Variants in CUL5 observed in about 807,000 individuals in gnomAD.
CUL5 encodes the protein cullin 5.
In CUL5, 26 loss-of-function variants were observed where a neutral mutation model predicts 108.8. The ratio of observed to expected loss-of-function variants is 0.24; its 90% CI spans 0.18 to 0.33. CUL5 has a LOEUF of 0.33. Among genes scored for constraint, CUL5 ranks in the 10% least tolerant of loss-of-function variants. The pLI, the probability that CUL5 is intolerant of heterozygous loss-of-function variation, is 1.00. For synonymous variants in CUL5, 334 were observed against 298.0 expected (o/e 1.12, Z -1.25); for missense variants, 524 against 909.2 (o/e 0.58, Z 5.45).
intron 18 of CUL5, among the ~76,000 whole-genome samples, chr11:108,102,810 T>C (rs1050803807): frequency 6.6e-6 from 1 of 152,226 alleles, no homozygotes; most frequent in Non-Finnish European, 1.5e-5. Context: ...AAGATAGATA[T>C]ATGCCTTTTG....
intron 11 of CUL5, chr11:108,084,812 T>A (rs182404994): frequency 6.6e-6 from 1 of 152,324 alleles, no homozygotes; most frequent in Non-Finnish European, 1.5e-5. Context: ...AAAGGACAGA[T>A]ATAACACGTG....
At chr11:108,088,463 T>G in intron 11 of CUL5, 64 bp from the exon 12 acceptor site, 1 of 1,499,464 alleles carries the variant, frequency 6.7e-7, no homozygotes. Flanking sequence ...ATCATTGACT[T>G]TAGAAAAAAA....
chr11:108,072,482 C>G lies in CUL5; in HGVS notation c.1005+20C>G, dbSNP rs760170220. ...ACTACTGTAAGTTTTTTTTCAATGGCAATGATAGATATATATCAAGGCTAT... is the reference window on the plus strand; with the variant it reads ...ACTACTGTAAGTTTTTTTTCAATGGGAATGATAGATATATATCAAGGCTAT... On this transcript the variant is annotated intron_variant, in intron 9 of 18. Transcript: ENST00000393094. 78 of 1,582,270 alleles carry G rather than the reference C, an allele frequency of 4.9e-5. No homozygotes were observed. Among genetic ancestry groups the G allele is most frequent in the Non-Finnish European group, 6.5e-5 (76 of 1,161,410 alleles).
intron 7 of CUL5, among the ~76,000 whole-genome samples, chr11:108,064,016 T>G (rs1863614165): frequency 6.6e-6 from 1 of 152,262 alleles, no homozygotes; most frequent in Admixed American, 6.5e-5. Flanking sequence ...TTGGATGCTC[T>G]TTCTTTCTCT....
At chr11:108,077,759 A>G (rs1238436130) in intron 10 of CUL5, among the ~76,000 whole-genome samples, 3 of 152,240 alleles carry the variant, frequency 2.0e-5, no homozygotes, top group Non-Finnish European at 4.4e-5. Flanking sequence ...AGCCTGGCCA[A>G]CATGGTGAAA....
chr11:108,087,730 C>T (rs553751953), intron 11 of CUL5, among the ~76,000 whole-genome samples: 1 of 152,148 alleles, frequency 6.6e-6, no homozygotes, highest in East Asian at 1.9e-4. Flanking sequence ...TTTGGGAGGC[C>T]GAGGCAGGTG....
chr11:108,104,454 T>C lies in CUL5; in HGVS notation c.*70T>C. 1 of 985,696 alleles carries C rather than the reference T, an allele frequency of 1.0e-6. No homozygotes were observed. 61.1% of individuals were successfully genotyped at this position (985,696 alleles called of 1,614,324 possible). A position where few individuals can be genotyped will look rare whatever the true frequency, so the allele number is the denominator to read the frequency against. On this transcript the variant is annotated 3_prime_UTR_variant, in exon 19 of 19. Transcript: ENST00000393094. The stretch of plus-strand genomic sequence containing the variant: ...CTTGGGCAGAAAGTTGTAAAGTTTG[T>C]GCTGGAGAAAGGTTTATTTGGACTT...
chr11:108,053,920 G>A (rs993933477), intron 5 of CUL5, among the ~76,000 whole-genome samples: 2 of 151,638 alleles, frequency 1.3e-5, no homozygotes, highest in African/African-American at 4.8e-5. Context: ...TGGCATGCTC[G>A]CTGCAACCTC....
At chr11:108,063,278 A>G (rs921307076) in intron 7 of CUL5, among the ~76,000 whole-genome samples, 42 of 152,310 alleles carry the variant, frequency 2.8e-4, no homozygotes, top group East Asian at 5.8e-4. Context: ...TTTAGCTTCC[A>G]CAAATGAGTG....
In CUL5 at chr11:108,089,766, G is replaced by A. The variant is rs538711009; in HGVS notation, c.1443+143G>A. On this transcript the variant is annotated intron_variant, in intron 13 of 18. Coordinates refer to ENST00000393094, the MANE Select transcript of CUL5 (RefSeq NM_003478.6). ...GAATATAGCGTCAGTTAGGCCGGGC[G>A]CACTGGCTCATACCTGTAATCCCAG... 4.1e-4 allele frequency: 199 copies of A among 487,090 alleles called. 7 individuals carry two copies. In the South Asian group the frequency reaches 4.7e-3, roughly 11 times the overall value. 30.2% of individuals were successfully genotyped at this position (487,090 alleles called of 1,614,324 possible). A position where few individuals can be genotyped will look rare whatever the true frequency, so the allele number is the denominator to read the frequency against.
At chr11:108,070,053 A>G (rs1399916878) in intron 7 of CUL5, 43 bp from the exon 8 acceptor site, 8 of 1,283,690 alleles carry the variant, frequency 6.2e-6, no homozygotes, top group South Asian at 1.2e-5. Context: ...GATTTGTGCT[A>G]TACAGCTTAT....
intron 7 of CUL5, among the ~76,000 whole-genome samples, chr11:108,062,780 T>C (rs1383335830): frequency 1.3e-5 from 2 of 152,144 alleles, no homozygotes; most frequent in African/African-American, 2.4e-5. Context: ...TAAATTATTT[T>C]TTACTGTAGT....
chr11:108,073,374 A>G lies in CUL5; in HGVS notation c.1006-16A>G. ...TTTTTCTTTTAAAAACTTAATGTAA[A>G]ACCTTTTGTTTCTAGGACTCTGAGA... On this transcript the variant is annotated splice_polypyrimidine_tract_variant and intron_variant, in intron 9 of 18. Coordinates refer to ENST00000393094, the MANE Select transcript of CUL5 (RefSeq NM_003478.6). 8.1e-7 allele frequency: 1 copy of G among 1,231,816 alleles called. No homozygotes were observed. The highest frequency in any genetic ancestry group is 1.2e-6 in the Non-Finnish European group (1 of 857,318). The allele number at this position is 1,231,816 out of a possible 1,614,324, so 76.3% of individuals were successfully genotyped here.
At chr11:108,073,573 A>G (rs775058761) in intron 10 of CUL5, 76 bp downstream of exon 10, 27 of 602,866 alleles carry the variant, frequency 4.5e-5, no homozygotes, top group Non-Finnish European at 7.0e-5. Flanking sequence ...ATCAATTTGC[A>G]TTATTTTTCT....
chr11:108,055,254 C>T (rs1240092479), intron 7 of CUL5, among the ~76,000 whole-genome samples: 1 of 151,912 alleles, frequency 6.6e-6, no homozygotes, highest in African/African-American at 2.4e-5. Flanking sequence ...CTAAAGTTAG[C>T]CATTTTGTGA....
chr11:108,072,265 C>A (rs1863844309), intron 8 of CUL5, 67 bp from the exon 9 acceptor site: 1 of 1,271,218 alleles, frequency 7.9e-7, no homozygotes, highest in Non-Finnish European at 1.1e-6. Context: ...ACAAACTTAA[C>A]TAATGTTTCT....
chr11:108,098,646 C>A, intron 18 of CUL5, 117 bp downstream of exon 18: 1 of 700,450 alleles, frequency 1.4e-6, no homozygotes, highest in Non-Finnish European at 2.1e-6. Context: ...GTGCAGTGGC[C>A]CACACATAAT....
chr11:108,031,444 T>C (rs546088682), intron 1 of CUL5, among the ~76,000 whole-genome samples: 1 of 152,328 alleles, frequency 6.6e-6, no homozygotes, highest in East Asian at 1.9e-4. Context: ...ATTTAAGTCT[T>C]TAATCCATCT....
chr11:108,104,482 A>G lies in CUL5; in HGVS notation c.*98A>G, dbSNP rs1244566887. ...TGGAGAAAGGTTTATTTGGACTTTG[A>G]TTACATAAATATTAAAATCTCTGCC... On this transcript the variant is annotated 3_prime_UTR_variant, in exon 19 of 19. Coordinates refer to ENST00000393094, the MANE Select transcript of CUL5 (RefSeq NM_003478.6). 6 of 720,818 alleles carry G rather than the reference A, an allele frequency of 8.3e-6. No homozygotes were observed. Among genetic ancestry groups the G allele is most frequent in the Middle Eastern group, 2.7e-4 (1 of 3,734 alleles). The allele number at this position is 720,818 out of a possible 1,614,324, so 44.7% of individuals were successfully genotyped here.
Sources: allele counts gnomAD v4.1 joint callset (sites outside exome capture counted in the v4.1 genomes callset), GRCh38; gene constraint gnomAD v4.1.1; transcripts MANE v1.5; gene names NCBI Gene and HGNC (gene_info 2026-07-23, HGNC 2026-07-21).